Variants in PDE4D observed in about 807,000 individuals in gnomAD.
The protein encoded by PDE4D is 3',5'-cyclic-AMP phosphodiesterase 4D.
PDE4D carries 24 observed loss-of-function variants against 87.4 expected under a neutral mutation model. That is an observed-to-expected ratio of 0.27 (90% CI 0.20 to 0.39). The LOEUF is 0.39. PDE4D is among the 10% of genes least tolerant of loss of function. PDE4D has a pLI of 1.00. For synonymous variants in PDE4D, 384 were observed against 383.2 expected (o/e 1.00, Z -0.02); for missense variants, 714 against 1,041.0 (o/e 0.69, Z 4.32).
chr5:60,214,078 C>T (rs1743566724), intron 1 of PDE4D, among the ~76,000 whole-genome samples: 1 of 152,146 alleles, frequency 6.6e-6, no homozygotes, highest in South Asian at 2.1e-4. Context: ...TGCAGACGCT[C>T]AACTTCCATA....
At chr5:59,338,730 G>A (rs1012224866) in intron 1 of PDE4D, among the ~76,000 whole-genome samples, 3 of 152,160 alleles carry the variant, frequency 2.0e-5, no homozygotes, top group African/African-American at 7.2e-5. Flanking sequence ...AAGTTCCCAG[G>A]GGGCAGGCTG....
chr5:60,206,545 T>G (rs1442151626), intron 1 of PDE4D, among the ~76,000 whole-genome samples: 1 of 152,240 alleles, frequency 6.6e-6, no homozygotes, highest in East Asian at 1.9e-4. Flanking sequence ...AAAGTGTTCA[T>G]GCAAACATTT....
intron 5 of PDE4D, among the ~76,000 whole-genome samples, chr5:59,179,252 G>T (rs763150215): frequency 1.3e-5 from 2 of 152,142 alleles, no homozygotes; most frequent in Admixed American, 6.5e-5. Context: ...GATTACAGGT[G>T]CTCGCCACCA....
intron 2 of PDE4D, among the ~76,000 whole-genome samples, chr5:60,175,160 C>G (rs1355939965): frequency 6.6e-6 from 1 of 151,982 alleles, no homozygotes; most frequent in Non-Finnish European, 1.5e-5. Context: ...GTAATTTCTA[C>G]TGACTTATTT....
intron 1 of PDE4D, among the ~76,000 whole-genome samples, chr5:60,210,239 A>T (rs1453976381): frequency 2.0e-5 from 3 of 152,176 alleles, no homozygotes; most frequent in African/African-American, 7.2e-5. Context: ...CCAGGTTTTT[A>T]AAAAATCCAT....
intron 1 of PDE4D, among the ~76,000 whole-genome samples, chr5:59,238,770 C>T (rs1757030455): frequency 6.6e-6 from 1 of 152,154 alleles, no homozygotes; most frequent in Non-Finnish European, 1.5e-5. Flanking sequence ...CCTACACTAC[C>T]TATAATGTCA....
intron 2 of PDE4D, among the ~76,000 whole-genome samples, chr5:59,200,240 T>C (rs553113370): frequency 5.5e-5 from 8 of 144,934 alleles, no homozygotes; most frequent in African/African-American, 2.1e-4. Context: ...CATATGTGTA[T>C]GTACAGCTAC....
intron 1 of PDE4D, among the ~76,000 whole-genome samples, chr5:59,377,825 G>C (rs780506372): frequency 6.6e-6 from 1 of 152,080 alleles, no homozygotes; most frequent in Non-Finnish European, 1.5e-5. Context: ...CTTATACACT[G>C]TTGGTGGGAG....
chr5:60,317,067 A>G (rs1469811576), intron 1 of PDE4D, among the ~76,000 whole-genome samples: 1 of 152,216 alleles, frequency 6.6e-6, no homozygotes, highest in Non-Finnish European at 1.5e-5. Flanking sequence ...GAATGGTACC[A>G]GCTCCTCCTT....
At chr5:60,065,725 T>C (rs1771988242) in intron 2 of PDE4D, among the ~76,000 whole-genome samples, 1 of 152,092 alleles carries the variant, frequency 6.6e-6, no homozygotes, top group South Asian at 2.1e-4. Flanking sequence ...CTCAGAATGA[T>C]GGTTTCGTTT....
intron 1 of PDE4D, among the ~76,000 whole-genome samples, chr5:59,283,886 C>A (rs1766341913): frequency 6.6e-6 from 1 of 152,106 alleles, no homozygotes; most frequent in Non-Finnish European, 1.5e-5. Context: ...GGATTCAAAT[C>A]CCACAGACAC....
intron 3 of PDE4D, among the ~76,000 whole-genome samples, chr5:59,939,261 A>G (rs1289440463): frequency 1.3e-5 from 2 of 152,052 alleles, no homozygotes; most frequent in African/African-American, 2.4e-5. Context: ...ATATAGTTGA[A>G]CCTAACTTAT....
At chr5:59,026,636 T>G (rs1756304602) in intron 6 of PDE4D, among the ~76,000 whole-genome samples, 2 of 152,030 alleles carry the variant, frequency 1.3e-5, no homozygotes, top group South Asian at 4.2e-4. Context: ...CAAATAAAAG[T>G]TCTGTGGAAA....
chr5:60,211,755 C>A (rs2149574824), intron 1 of PDE4D, among the ~76,000 whole-genome samples: 1 of 152,148 alleles, frequency 6.6e-6, no homozygotes, highest in South Asian at 2.1e-4. Context: ...TGCTTCCCTA[C>A]CCCTACCCTC....
In PDE4D at chr5:59,616,052, T is replaced by C. The variant is rs144754050; in HGVS notation, c.455+277116A>G. ...GTTACATATGTATACATGTGCCATG[T>C]TGGTGTGCTGCACCCATTAACTCGT... On this transcript the variant is annotated intron_variant, in intron 1 of 14. Transcript: ENST00000340635. Among the ~76,000 whole-genome samples the C allele has an allele frequency of 8.9e-3, 1,350 of 152,176 alleles. 18 individuals carry two copies. Among genetic ancestry groups the C allele is most frequent in the African/African-American group, 0.029 (1,203 of 41,530 alleles).
At chr5:59,506,827 G>A (rs1280186935) in intron 1 of PDE4D, among the ~76,000 whole-genome samples, 2 of 152,146 alleles carry the variant, frequency 1.3e-5, no homozygotes, top group Non-Finnish European at 2.9e-5. Flanking sequence ...TTAGAAAATA[G>A]AGAATATTGG....
intron 1 of PDE4D, chr5:59,275,788 G>A: frequency 1.0e-6 from 1 of 991,822 alleles, no homozygotes; most frequent in Non-Finnish European, 1.2e-6. Flanking sequence ...AAAGGTTTCT[G>A]ACACTCGAAG....
At chr5:59,996,437 T>A (rs1461945912) in intron 2 of PDE4D, among the ~76,000 whole-genome samples, 1 of 152,214 alleles carries the variant, frequency 6.6e-6, no homozygotes, top group Non-Finnish European at 1.5e-5. Context: ...GGATACAATT[T>A]AATAGGCTAT....
chr5:59,496,401 G>A (rs1274023306), intron 1 of PDE4D, among the ~76,000 whole-genome samples: 2 of 152,188 alleles, frequency 1.3e-5, no homozygotes, highest in African/African-American at 4.8e-5. Context: ...TGGAGTGCCT[G>A]TCCTCACCTA....
Sources: allele counts gnomAD v4.1 joint callset (sites outside exome capture counted in the v4.1 genomes callset), GRCh38; gene constraint gnomAD v4.1.1; transcripts MANE v1.5; gene names NCBI Gene and HGNC (gene_info 2026-07-23, HGNC 2026-07-21).